Variants in DMD observed in about 807,000 individuals in gnomAD.
DMD encodes dystrophin, also known as mutant dystrophin.
DMD carries 63 observed loss-of-function variants against 330.1 expected under a neutral mutation model. That is an observed-to-expected ratio of 0.19 (90% confidence interval 0.16 to 0.24). DMD has a LOEUF of 0.24. DMD is among the 10% of genes least tolerant of loss of function. The pLI is 1.00. For synonymous variants in DMD, 1,223 were observed against 959.8 expected, an observed-to-expected ratio of 1.27 and a Z score of -5.07; for missense variants, 3,344 against 2,684.1, an observed-to-expected ratio of 1.25 and a Z score of -5.43.
chrX:32,005,896 A>T (rs1255204424), intron 44 of DMD, among the ~76,000 whole-genome samples: 1 of 111,521 alleles, frequency 9.0e-6, no homozygotes, highest in African/African-American at 3.3e-5. Flanking sequence ...TAATTTCCTG[A>T]CAAGTATTTT....
intron 53 of DMD, among the ~76,000 whole-genome samples, chrX:31,675,179 G>C (rs1231477828): frequency 1.8e-5 from 2 of 111,928 alleles, no homozygotes; most frequent in African/African-American, 6.5e-5. Context: ...GCCGTCTCTT[G>C]ATGGCCTGCT....
chrX:31,462,137 C>G (rs981140489), intron 59 of DMD, among the ~76,000 whole-genome samples: 53 of 111,767 alleles, frequency 4.7e-4, no homozygotes, highest in Admixed American at 7.6e-4. Flanking sequence ...CAGAGCTAGT[C>G]GACAAATATT....
chrX:32,262,883 T>C (rs1473220207), intron 43 of DMD, among the ~76,000 whole-genome samples: 2 of 111,702 alleles, frequency 1.8e-5, no homozygotes, highest in Non-Finnish European at 3.8e-5. Flanking sequence ...CTCTAAATGG[T>C]CATCCCAACC....
chrX:33,223,835 G>T (rs1218016091), intron 1 of DMD, among the ~76,000 whole-genome samples: 4 of 111,064 alleles, frequency 3.6e-5, no homozygotes, highest in African/African-American at 9.8e-5. Context: ...GACATATCAG[G>T]TAATGGACTG....
At chrX:32,562,306 C>G (rs1418930305) in intron 16 of DMD, among the ~76,000 whole-genome samples, 1 of 112,710 alleles carries the variant, frequency 8.9e-6, no homozygotes, top group African/African-American at 3.2e-5. Flanking sequence ...CAAGTCAAAT[C>G]TGAGTTTGAA....
chrX:32,429,830 T>C (rs946212302), intron 29 of DMD, among the ~76,000 whole-genome samples: 3 of 111,112 alleles, frequency 2.7e-5, no homozygotes, highest in Non-Finnish European at 5.7e-5. Context: ...ATCAACATTA[T>C]TTTAAATGAA....
intron 7 of DMD, among the ~76,000 whole-genome samples, chrX:32,790,769 G>A (rs1286199988): frequency 3.6e-5 from 4 of 111,338 alleles, no homozygotes; most frequent in African/African-American, 9.8e-5. Flanking sequence ...AGACACAAGC[G>A]ACGCACAGGC....
At chrX:32,301,043 A>AT (rs2097521574) in intron 42 of DMD, among the ~76,000 whole-genome samples, 1 of 110,223 alleles carries the variant, frequency 9.1e-6, no homozygotes, top group South Asian at 3.8e-4. Flanking sequence ...ATTAATATTG[A>AT]TGACAGTAAA....
intron 55 of DMD, among the ~76,000 whole-genome samples, chrX:31,588,283 G>A (rs1046191501): frequency 9.0e-6 from 1 of 111,522 alleles, no homozygotes; most frequent in African/African-American, 3.3e-5. Context: ...TTGCTCCCTT[G>A]TGGATTTGTT....
intron 21 of DMD, among the ~76,000 whole-genome samples, chrX:32,484,208 T>C (rs1215434753): frequency 9.0e-6 from 1 of 111,706 alleles, no homozygotes; most frequent in Non-Finnish European, 1.9e-5. Flanking sequence ...TTCTTAAAGG[T>C]GGTCATTCAT....
Position 31,121,790 on chromosome X carries a change from G to T in DMD, c.*129C>A. The T allele has an allele frequency of 1.1e-6, 1 of 934,689 alleles. No individual in the cohort carries two copies. The highest frequency in any genetic ancestry group is 1.6e-6 in the Non-Finnish European group (1 of 643,825). The allele number at this position is 934,689 out of a possible 1,213,427, so 77.0% of individuals were successfully genotyped here. ...TACTGTCTAATCCTCTTTGTTGTAT[G>T]AATATTATAAAAACCATGCGGGAAT... On this transcript the variant is annotated 3_prime_UTR_variant, in exon 79 of 79. Transcript: ENST00000357033.
intron 41 of DMD, among the ~76,000 whole-genome samples, chrX:32,310,646 T>C (rs1409052658): frequency 9.0e-6 from 1 of 110,777 alleles, no homozygotes; most frequent in African/African-American, 3.3e-5. Flanking sequence ...CTAATTTTCC[T>C]GGAAATCTAG....
chrX:32,056,390 T>TAAAAAAAA (rs34726053), intron 44 of DMD, among the ~76,000 whole-genome samples: 2 of 47,572 alleles, frequency 4.2e-5, no homozygotes, highest in East Asian at 5.5e-4. Flanking sequence ...GTAGATTAAG[T>TAAAAAAAA]AAAAAAAAAA....
rs1342571202 is a variant in DMD, at chrX:31,222,504, A to G, written c.9361+543T>C. 1.1e-3 allele frequency among the ~76,000 whole-genome samples: 124 copies of G among 110,785 alleles called. 6 individuals carry two copies. Among genetic ancestry groups the G allele is most frequent in the Non-Finnish European group, 1.9e-5 (1 of 52,895 alleles). On this transcript the variant is annotated intron_variant, in intron 64 of 78. Transcript: ENST00000357033. ...CTCAGACAATAGTAGAGTTATACAT[A>G]AACTATTTGATGACATGATAGAGCT...
At chrX:31,880,394 T>A (rs1233025218) in intron 47 of DMD, among the ~76,000 whole-genome samples, 1 of 110,984 alleles carries the variant, frequency 9.0e-6, no homozygotes. Flanking sequence ...TTTTAGCATA[T>A]AAAAAAATCT....
intron 1 of DMD, among the ~76,000 whole-genome samples, chrX:33,244,796 G>C (rs956729175): frequency 8.9e-6 from 1 of 111,813 alleles, no homozygotes; most frequent in African/African-American, 3.2e-5. Context: ...TATCTGGTAG[G>C]AGTGTATTTT....
chrX:32,468,060 T>C (rs1425238662), intron 23 of DMD, among the ~76,000 whole-genome samples: 1 of 109,788 alleles, frequency 9.1e-6, no homozygotes, highest in African/African-American at 3.3e-5. Flanking sequence ...ACAGCAGAAA[T>C]GAAAGGTAAT....
chrX:32,233,873 G>A (rs969077174), intron 43 of DMD, among the ~76,000 whole-genome samples: 5 of 110,082 alleles, frequency 4.5e-5, no homozygotes, highest in Non-Finnish European at 7.6e-5. Context: ...CAGGTGATCC[G>A]CCCACCTTGG....
chrX:32,642,738 A>G (rs1343501251), intron 11 of DMD, among the ~76,000 whole-genome samples: 1 of 112,001 alleles, frequency 8.9e-6, no homozygotes, highest in Non-Finnish European at 1.9e-5. Context: ...TAGTATGAAT[A>G]ATTAATGCCA....
Sources: gnomAD v4.1 joint callset for allele counts (sites outside exome capture counted in the v4.1 genomes callset) on GRCh38, gnomAD v4.1.1 for gene constraint, MANE v1.5 for transcripts, NCBI Gene and HGNC (gene_info 2026-07-23, HGNC 2026-07-21) for gene names.